PAPPA2: variants seen among roughly 807,000 people sequenced by gnomAD.
PAPPA2 encodes pappalysin-2.
A neutral mutation model predicts 176.4 loss-of-function variants in PAPPA2; 86 were observed. The ratio of observed to expected loss-of-function variants is 0.49; its 90% CI spans 0.41 to 0.58. The LOEUF (loss-of-function observed/expected upper bound fraction) is 0.58. Among genes scored for constraint, PAPPA2 ranks in the 20% least tolerant of loss-of-function variants. The pLI is 0.00. For missense variants in PAPPA2, 2,073 were observed against 2,256.9 expected (o/e 0.92, Z 1.65); for synonymous variants, 809 against 852.2 (o/e 0.95, Z 0.88).
At chr1:176,532,837 C>T (rs965975732) in intron 1 of PAPPA2, among the ~76,000 whole-genome samples, 1 of 152,202 alleles carries the variant, frequency 6.6e-6, no homozygotes, top group Non-Finnish European at 1.5e-5. Flanking sequence ...GTCTCCATCT[C>T]TGATGCTCAG....
intron 1 of PAPPA2, chr1:176,553,764 G>A (rs563935788): frequency 2.0e-5 from 3 of 152,198 alleles, no homozygotes; most frequent in Non-Finnish European, 4.4e-5. Flanking sequence ...TGAGGGTTAT[G>A]GGGTGGCATG....
intron 2 of PAPPA2, among the ~76,000 whole-genome samples, chr1:176,580,667 A>G (rs1652910878): frequency 6.6e-6 from 1 of 151,988 alleles, no homozygotes; most frequent in Non-Finnish European, 1.5e-5. Flanking sequence ...TTTAGTAATA[A>G]CCATCCCAAC....
At chr1:176,534,800 A>G (rs1649984053) in intron 1 of PAPPA2, among the ~76,000 whole-genome samples, 1 of 152,196 alleles carries the variant, frequency 6.6e-6, no homozygotes, top group African/African-American at 2.4e-5. Flanking sequence ...TTCAACTGGA[A>G]GTATATAGAG....
intron 8 of PAPPA2, 151 bp from the exon 9 acceptor site, chr1:176,702,456 G>A: frequency 1.7e-6 from 2 of 1,155,168 alleles, no homozygotes; most frequent in African/African-American, 1.6e-5. Flanking sequence ...GGAAGACTGT[G>A]CCCTGATCTT....
chr1:176,509,733 T>C (rs1397107559), intron 1 of PAPPA2, among the ~76,000 whole-genome samples: 1 of 151,834 alleles, frequency 6.6e-6, no homozygotes, highest in East Asian at 1.9e-4. Flanking sequence ...CTGGGCATGG[T>C]GAATCACACC....
At chr1:176,496,007 C>G (rs559831270) in intron 1 of PAPPA2, among the ~76,000 whole-genome samples, 19 of 152,242 alleles carry the variant, frequency 1.2e-4, no homozygotes, top group African/African-American at 4.1e-4. Context: ...GACTATTCAA[C>G]TAATGTTTCT....
At position 176,711,911 on chromosome 1, in the gene PAPPA2, A is replaced by T. The variant is rs780271339; in HGVS notation, c.3728A>T (p.Asn1243Ile). 1 of 1,613,782 alleles carries T rather than the reference A, an allele frequency of 6.2e-7. No individual in the cohort carries two copies. The highest frequency in any genetic ancestry group is 2.2e-5 in the East Asian group (1 of 44,882). ...TGGTTTCCCTGTGTTGCCAGTGAAAATGAAACTCAGGATGACAGGAGTGAA... is the reference window on the plus strand; with the variant it reads ...TGGTTTCCCTGTGTTGCCAGTGAAATTGAAACTCAGGATGACAGGAGTGAA... Reference protein sequence around the residue: ...TGWFPCVASENETQDDRSEQP... With the variant: ...TGWFPCVASEIETQDDRSEQP... Residue 1243 changes from asparagine to isoleucine, a missense_variant, in exon 12 of 23, where the codon AAT becomes ATT. Coordinates refer to ENST00000367662, the MANE Select transcript of PAPPA2 (RefSeq NM_020318.3).
chr1:176,521,131 AG>A (rs1463953629), intron 1 of PAPPA2, among the ~76,000 whole-genome samples: 13 of 151,850 alleles, frequency 8.6e-5, no homozygotes, highest in African/African-American at 2.7e-4. Flanking sequence ...AGAGAGAGAG[AG>A]AGTAGGGCGG....
intron 3 of PAPPA2, among the ~76,000 whole-genome samples, chr1:176,636,008 AT>A (rs1281040744): frequency 2.0e-5 from 3 of 152,120 alleles, no homozygotes; most frequent in Non-Finnish European, 4.4e-5. Context: ...GAAGTTTGTC[AT>A]CAATTCTGAA....
At chr1:176,471,594 G>A (rs1369634340) in intron 1 of PAPPA2, among the ~76,000 whole-genome samples, 1 of 152,086 alleles carries the variant, frequency 6.6e-6, no homozygotes, top group African/African-American at 2.4e-5. Context: ...TGCAATTTCT[G>A]CCTCCCTCCC....
intron 1 of PAPPA2, among the ~76,000 whole-genome samples, chr1:176,504,556 A>AT (rs1370562808): frequency 2.0e-5 from 3 of 152,116 alleles, no homozygotes; most frequent in Non-Finnish European, 4.4e-5. Context: ...TGTGTTCAGG[A>AT]TGGAGTCCAC....
At chr1:176,526,903 TAACATATGTA>T (rs1649527063) in intron 1 of PAPPA2, among the ~76,000 whole-genome samples, 4 of 152,244 alleles carry the variant, frequency 2.6e-5, no homozygotes, top group African/African-American at 9.6e-5. Flanking sequence ...TAATATGAGA[TAACATATGTA>T]AAGGTATCTG....
chr1:176,530,703 G>A (rs1649761623), intron 1 of PAPPA2, among the ~76,000 whole-genome samples: 1 of 152,096 alleles, frequency 6.6e-6, no homozygotes, highest in African/African-American at 2.4e-5. Flanking sequence ...TAGCTCTGTG[G>A]TCTTGGAAAA....
chr1:176,492,661 G>A (rs184944911), intron 1 of PAPPA2, among the ~76,000 whole-genome samples: 16 of 152,258 alleles, frequency 1.1e-4, no homozygotes, highest in South Asian at 2.1e-4. Context: ...ACTCTTTCAC[G>A]TTGGAGAGAT....
chr1:176,555,378 T>C (rs1651217356), intron 1 of PAPPA2, 29 bp from the exon 2 acceptor site: 1 of 152,300 alleles, frequency 6.6e-6, no homozygotes, highest in African/African-American at 2.4e-5. Context: ...TGTATGCTCT[T>C]CTTTTTGCTC....
rs568605149 is a variant in PAPPA2, at chr1:176,620,326, A to G, written c.1991+24731A>G. Among the ~76,000 whole-genome samples, 2 of 152,228 alleles carry G rather than the reference A, an allele frequency of 1.3e-5. 1 individual carries two copies. Among genetic ancestry groups the G allele is most frequent in the East Asian group, 3.9e-4 (2 of 5,184 alleles). On this transcript the variant is annotated intron_variant, in intron 3 of 22. Transcript: ENST00000367662. The stretch of plus-strand genomic sequence containing the variant: ...GACACAAACATTTAGACCATAGAGA[A>G]TTTGGATTTCTTGTCCAGCTTTGCT...
chr1:176,841,647 G>A (rs960160068), intron 22 of PAPPA2, among the ~76,000 whole-genome samples: 2 of 152,070 alleles, frequency 1.3e-5, no homozygotes, highest in South Asian at 4.1e-4. Context: ...TTGTAGCAGT[G>A]CAAGCAGAAG....
chr1:176,687,147 T>A (rs962293434), intron 4 of PAPPA2, among the ~76,000 whole-genome samples: 10 of 152,238 alleles, frequency 6.6e-5, no homozygotes, highest in Non-Finnish European at 1.5e-4. Flanking sequence ...CCTTCTCATA[T>A]AAATGAGTTT....
intron 4 of PAPPA2, among the ~76,000 whole-genome samples, chr1:176,682,145 G>C (rs1193992010): frequency 6.6e-6 from 1 of 152,172 alleles, no homozygotes; most frequent in Admixed American, 6.5e-5. Context: ...GAAGCCTCAG[G>C]TGCTAAGAAC....
Sources: gnomAD v4.1 joint callset for allele counts (sites outside exome capture counted in the v4.1 genomes callset) on GRCh38, gnomAD v4.1.1 for gene constraint, MANE v1.5 for transcripts, NCBI Gene and HGNC (gene_info 2026-07-23, HGNC 2026-07-21) for gene names.